The following SLC4A1AP variants were observed in gnomAD, a reference collection of about 807,000 sequenced individuals.
SLC4A1AP encodes the protein solute carrier family 4 member 1 adaptor protein.
In SLC4A1AP, 64 loss-of-function variants were observed where a neutral mutation model predicts 89.7. That is an observed-to-expected ratio of 0.71 (90% confidence interval 0.58 to 0.88). The LOEUF is 0.88. Among genes scored for constraint, SLC4A1AP ranks in the 40% least tolerant of loss-of-function variants. The pLI is 0.00. For missense variants in SLC4A1AP, 931 were observed against 965.0 expected, an observed-to-expected ratio of 0.96 and a Z score of 0.47; for synonymous variants, 366 against 353.3, an observed-to-expected ratio of 1.04 and a Z score of -0.40.
At chr2:27,684,726 CATGAGTT>C (rs758660076) in intron 9 of SLC4A1AP, among the ~76,000 whole-genome samples, 63 of 152,282 alleles carry the variant, frequency 4.1e-4, no homozygotes, top group Non-Finnish European at 6.9e-4. Context: ...CCTTTAATAT[CATGAGTT>C]ATAACAGTCC....
intron 10 of SLC4A1AP, among the ~76,000 whole-genome samples, chr2:27,687,460 A>G (rs779571508): frequency 2.6e-5 from 4 of 152,176 alleles, no homozygotes; most frequent in Non-Finnish European, 4.4e-5. Flanking sequence ...GCATGGTGGT[A>G]CATGCCTGTA....
exon 4 of SLC4A1AP, chr2:27,668,884 A>C: frequency 6.2e-7 from 1 of 1,614,164 alleles, no homozygotes. Flanking sequence ...GGGACATAGC[A>C]CTTGGCTCTG....
At chr2:27,667,694 A>C (rs1675355488) in intron 3 of SLC4A1AP, among the ~76,000 whole-genome samples, 1 of 152,084 alleles carries the variant, frequency 6.6e-6, no homozygotes, top group South Asian at 2.1e-4. Context: ...TGGTGGGGAA[A>C]TTGAGCCAAC....
In SLC4A1AP at chr2:27,670,700, CA is replaced by C. The variant is rs113984931; in HGVS notation, c.1345+1324del. On this transcript the variant is annotated intron_variant, in intron 5 of 13. Transcript: ENST00000613058. Reference sequence around the variant, plus strand: ...TGAAACCCCGTCTCTACCAAAAATACAAAAAAAAAAATCAGTTGGGTGTGGT... The same window carrying C: ...TGAAACCCCGTCTCTACCAAAAATACAAAAAAAAAATCAGTTGGGTGTGGT... 8.7e-3 allele frequency among the ~76,000 whole-genome samples: 1,240 copies of C among 142,464 alleles called. 11 individuals carry two copies. The highest frequency in any genetic ancestry group is 0.029 in the African/African-American group (1,120 of 39,280). 93.5% of individuals were successfully genotyped at this position (142,464 alleles called of 152,430 possible).
At position 27,683,607 on chromosome 2, in the gene SLC4A1AP, T is replaced by C. The variant is rs550560837; in HGVS notation, c.1875+1248T>C. Reference sequence around the variant, plus strand: ...TTCAGTTTAATTTAATTTACAGTCATATTCTGAGGTACTGGGGCTTGGGAC... The same window carrying C: ...TTCAGTTTAATTTAATTTACAGTCACATTCTGAGGTACTGGGGCTTGGGAC... On this transcript the variant is annotated intron_variant, in intron 9 of 13. Transcript: ENST00000613058. 3.3e-5 allele frequency among the ~76,000 whole-genome samples: 5 copies of C among 152,250 alleles called. No individual in the cohort carries two copies. In the East Asian group the frequency reaches 7.7e-4, roughly 23 times the overall value.
chr2:27,671,200 C>T (rs890545495), intron 5 of SLC4A1AP, among the ~76,000 whole-genome samples: 19 of 152,122 alleles, frequency 1.2e-4, no homozygotes, highest in South Asian at 4.2e-4. Flanking sequence ...GGATTACAGG[C>T]GTGAGCCACT....
intron 1 of SLC4A1AP, among the ~76,000 whole-genome samples, chr2:27,664,790 A>G (rs1675277727): frequency 6.6e-6 from 1 of 152,170 alleles, no homozygotes; most frequent in Non-Finnish European, 1.5e-5. Flanking sequence ...TTGTTTGGCC[A>G]GGCGCGGTGG....
At chr2:27,683,311 C>T (rs955725218) in intron 9 of SLC4A1AP, among the ~76,000 whole-genome samples, 1 of 152,096 alleles carries the variant, frequency 6.6e-6, no homozygotes, top group Non-Finnish European at 1.5e-5. Context: ...TTTTCATTAC[C>T]CCTAAGAGCT....
intron 9 of SLC4A1AP, 91 bp downstream of exon 9, chr2:27,682,450 C>T (rs1054380423): frequency 1.7e-5 from 12 of 714,362 alleles, no homozygotes; most frequent in Non-Finnish European, 2.6e-5. Context: ...ACAAATGACT[C>T]ATTCCATAGT....
chr2:27,693,575 A>G (rs1675824318), intron 12 of SLC4A1AP, 110 bp from the exon 13 acceptor site: 2 of 708,184 alleles, frequency 2.8e-6, no homozygotes, highest in African/African-American at 1.9e-5. Context: ...TTCTTGACTA[A>G]TGTTTATTCT....
chr2:27,667,435 C>T (rs774381503), intron 3 of SLC4A1AP, 45 bp downstream of exon 3: 2 of 1,554,974 alleles, frequency 1.3e-6, no homozygotes, highest in Non-Finnish European at 1.7e-6. Flanking sequence ...ATATCCAGAG[C>T]AGTGTGGTTT....
intron 8 of SLC4A1AP, among the ~76,000 whole-genome samples, chr2:27,678,247 A>G (rs1270442195): frequency 6.6e-6 from 1 of 152,228 alleles, no homozygotes; most frequent in Non-Finnish European, 1.5e-5. Flanking sequence ...TTTATCTAAT[A>G]TAAAAAGACC....
In SLC4A1AP at chr2:27,663,937, CAG is replaced by C; in HGVS notation, c.189_190del (p.Glu63AspfsTer25). 1 of 1,614,166 alleles carries C rather than the reference CAG, an allele frequency of 6.2e-7. No individual in the cohort carries two copies. The highest frequency in any genetic ancestry group is 8.5e-7 in the Non-Finnish European group (1 of 1,180,030). On this transcript the variant is annotated frameshift_variant, in exon 1 of 14. Coordinates refer to ENST00000613058, the Ensembl canonical transcript of SLC4A1AP. LOFTEE classifies it high-confidence loss of function. ...AGGATGGCTGACATTCTCTCTCAGT[CAG>C]AGACCCTGGCGTCGCAAGACCTCAG... is the stretch of plus-strand genomic sequence containing the variant.
intron 12 of SLC4A1AP, among the ~76,000 whole-genome samples, chr2:27,691,102 T>C (rs1392576014): frequency 6.6e-6 from 1 of 152,178 alleles, no homozygotes; most frequent in Non-Finnish European, 1.5e-5. Flanking sequence ...TGGAATACTT[T>C]CAGTAAGATT....
intron 10 of SLC4A1AP, among the ~76,000 whole-genome samples, chr2:27,686,746 C>T (rs1426901725): frequency 6.6e-6 from 1 of 152,154 alleles, no homozygotes; most frequent in East Asian, 1.9e-4. Flanking sequence ...TGCTCTCCAG[C>T]CTGGGTGATA....
In SLC4A1AP at chr2:27,664,253, C is replaced by G. The variant is rs1675261136; in HGVS notation, c.501C>G (p.Tyr167Ter). Reference sequence around the variant, plus strand: ...GGGGTGGCCCTGCCACAGCCCCCTACAGCTTAGAGACCCTGAAGGGCGGCA... The same window carrying G: ...GGGGTGGCCCTGCCACAGCCCCCTAGAGCTTAGAGACCCTGAAGGGCGGCA... Residue 167 changes from tyrosine to a stop codon, truncating the protein, a stop_gained, in exon 1 of 14, where the codon TAC becomes TAG. Transcript: ENST00000613058. LOFTEE classifies it high-confidence loss of function. 2.5e-6 allele frequency: 4 copies of G among 1,614,106 alleles called. No homozygotes were observed. The highest frequency in any genetic ancestry group is 1.3e-5 in the African/African-American group (1 of 74,934).
At chr2:27,667,197 AATAGTGGGT>A (rs1256639153) in intron 2 of SLC4A1AP, 62 bp from the exon 3 acceptor site, 1 of 1,497,204 alleles carries the variant, frequency 6.7e-7, no homozygotes, top group Non-Finnish European at 9.1e-7. Context: ...AGCCTGAGAG[AATAGTGGGT>A]ATCATTCAAA....
intron 6 of SLC4A1AP, among the ~76,000 whole-genome samples, chr2:27,676,824 C>A: frequency 7.5e-6 from 1 of 132,852 alleles, no homozygotes; most frequent in African/African-American, 2.8e-5. Context: ...TGCGAGACTC[C>A]ATCTCAAAAA....
intron 10 of SLC4A1AP, 44 bp downstream of exon 10, chr2:27,685,321 A>C: frequency 1.9e-6 from 3 of 1,561,888 alleles, no homozygotes; most frequent in Non-Finnish European, 2.6e-6. Flanking sequence ...GTGGGCAGTT[A>C]CATTGATTGT....
Sources: allele counts gnomAD v4.1 joint callset (sites outside exome capture counted in the v4.1 genomes callset), GRCh38; gene constraint gnomAD v4.1.1; transcripts MANE v1.5; gene names NCBI Gene and HGNC (gene_info 2026-07-23, HGNC 2026-07-21).